ASF1A: variants seen among roughly 807,000 people sequenced by gnomAD.
The protein encoded by ASF1A is histone chaperone ASF1A.
ASF1A carries 5 observed loss-of-function variants against 22.0 expected under a neutral mutation model. The ratio of observed to expected loss-of-function variants is 0.23; its 90% CI spans 0.12 to 0.48. The LOEUF is 0.48. Ranked by LOEUF, ASF1A falls within the 20% of genes least tolerant of loss-of-function variation. ASF1A has a pLI of 0.99. For synonymous variants in ASF1A, 97 were observed against 86.7 expected (o/e 1.12, Z -0.66); for missense variants, 137 against 240.6 (o/e 0.57, Z 2.85).
At chr6:118,895,225 G>A (rs2114486571) in intron 1 of ASF1A, among the ~76,000 whole-genome samples, 1 of 152,034 alleles carries the variant, frequency 6.6e-6, no homozygotes, top group Admixed American at 6.6e-5. Context: ...GGCGCTCCCC[G>A]GGGGCCGTGG....
chr6:118,894,292 G>A lies in ASF1A; in HGVS notation c.-122G>A, dbSNP rs1779186255. On this transcript the variant is annotated 5_prime_UTR_variant, in exon 1 of 4. Coordinates refer to ENST00000229595, the MANE Select transcript of ASF1A (RefSeq NM_014034.3). The stretch of plus-strand genomic sequence containing the variant: ...AAAGAGGAAAAAAGTTTCTCAAGTC[G>A]CCGCTGCACGACGTCTGGCCGGCGC... 3 of 1,477,156 alleles carry A rather than the reference G, an allele frequency of 2.0e-6. No homozygotes were observed. The highest frequency in any genetic ancestry group is 2.7e-5 in the South Asian group (2 of 75,268). 91.5% of individuals were successfully genotyped at this position (1,477,156 alleles called of 1,614,324 possible).
chr6:118,898,402 T>C (rs188982720), intron 1 of ASF1A, among the ~76,000 whole-genome samples: 12 of 152,056 alleles, frequency 7.9e-5, no homozygotes. Context: ...GAAATTAAAA[T>C]TCATGAAAAC....
At chr6:118,907,039 T>TA (rs1227302083) in intron 3 of ASF1A, among the ~76,000 whole-genome samples, 1 of 152,204 alleles carries the variant, frequency 6.6e-6, no homozygotes, top group Non-Finnish European at 1.5e-5. Flanking sequence ...TTTGAAAACA[T>TA]ACCAATCTAA....
Position 118,894,380 on chromosome 6 carries a change from C to T in ASF1A, c.-34C>T. ...CTGGACTTTATTGTGCCGCAACCAGCCCCAGTTCCCATTGTTTGTGTTTTT... is the reference window on the plus strand; with the variant it reads ...CTGGACTTTATTGTGCCGCAACCAGTCCCAGTTCCCATTGTTTGTGTTTTT... On this transcript the variant is annotated 5_prime_UTR_variant, in exon 1 of 4. Coordinates refer to ENST00000229595, the MANE Select transcript of ASF1A (RefSeq NM_014034.3). 2 of 1,536,752 alleles carry T rather than the reference C, an allele frequency of 1.3e-6. No homozygotes were observed. Among genetic ancestry groups the T allele is most frequent in the Middle Eastern group, 1.7e-4 (1 of 5,990 alleles).
rs983289297 is a variant in ASF1A at position 118,900,974 on chromosome 6, G to C, written c.225+93G>C. 106 of 911,422 alleles carry C rather than the reference G, an allele frequency of 1.2e-4. No individual in the cohort carries two copies. The African/African-American group carries it at 1.6e-3, about 14-fold the overall frequency. 56.5% of individuals were successfully genotyped at this position (911,422 alleles called of 1,614,324 possible). A position where few individuals can be genotyped will look rare whatever the true frequency, so the allele number is the denominator to read the frequency against. ...TATAACCCTTATCCCTTTCCTTTTG[G>C]GTTAAAGAACTGCTTCTGCTGCATT... On this transcript the variant is annotated intron_variant, in intron 2 of 3. Coordinates refer to ENST00000229595, the MANE Select transcript of ASF1A (RefSeq NM_014034.3).
rs757952076 is a variant in ASF1A, at chr6:118,907,514, C to T, written c.515C>T (p.Ser172Leu). 6.2e-7 allele frequency: 1 copy of T among 1,613,504 alleles called. No individual in the cohort carries two copies. Among genetic ancestry groups the T allele is most frequent in the Non-Finnish European group, 8.5e-7 (1 of 1,179,568 alleles). The change falls in exon 4 of 4, where the codon TCA becomes TTA. Residue 172 changes from serine to leucine, a missense_variant. Physicochemically the swap from Ser to Leu is moderately radical, Grantham distance 145. Transcript: ENST00000229595. ...DAESSNPNLQ[S>L]LLSTDALPSA... The stretch of plus-strand genomic sequence containing the variant: ...GAGAGCAGTAATCCAAATCTACAGT[C>T]ACTTCTTTCAACAGATGCATTACCT...
Position 118,905,776 on chromosome 6 carries a change from A to G in ASF1A, c.350A>G (p.Tyr117Cys). ...GTTGGCTATTATGTAAATAATGAATATACTGAGACAGAATTAAGGGAAAAT... is the reference window on the plus strand; with the variant it reads ...GTTGGCTATTATGTAAATAATGAATGTACTGAGACAGAATTAAGGGAAAAT... ...IRVGYYVNNE[Y>C]TETELRENPP... is the part of the protein sequence containing the mutation. The change falls in exon 3 of 4, where the codon TAT becomes TGT. Residue 117 changes from tyrosine to cysteine, a missense_variant. Tyr to Cys is a radical substitution (Grantham distance 194). Transcript: ENST00000229595. The G allele has an allele frequency of 6.2e-7, 1 of 1,612,716 alleles. No homozygotes were observed. The highest frequency in any genetic ancestry group is 8.5e-7 in the Non-Finnish European group (1 of 1,179,094).
chr6:118,895,044 C>G (rs902203580), intron 1 of ASF1A, among the ~76,000 whole-genome samples: 1 of 152,192 alleles, frequency 6.6e-6, no homozygotes, highest in African/African-American at 2.4e-5. Context: ...GAAAGGCAGG[C>G]AGGCACTCTC....
intron 2 of ASF1A, chr6:118,901,179 G>T (rs976553772): frequency 2.7e-5 from 6 of 225,952 alleles, no homozygotes; most frequent in Non-Finnish European, 4.3e-5. Flanking sequence ...GGCTCTTCCT[G>T]TGAATAGCAC....
chr6:118,901,410 T>C (rs1318389014), intron 2 of ASF1A, among the ~76,000 whole-genome samples: 3 of 152,216 alleles, frequency 2.0e-5, no homozygotes, highest in South Asian at 2.1e-4. Context: ...TCTTGGGTCA[T>C]TGGAATGACA....
At chr6:118,905,538 A>G (rs961205377) in intron 2 of ASF1A, 114 bp from the exon 3 acceptor site, 4 of 738,472 alleles carry the variant, frequency 5.4e-6, no homozygotes, top group African/African-American at 5.4e-5. Flanking sequence ...ATGATTTCCA[A>G]GTTTTTCTTG....
chr6:118,903,779 G>A (rs969693904), intron 2 of ASF1A, among the ~76,000 whole-genome samples: 1 of 152,186 alleles, frequency 6.6e-6, no homozygotes, highest in Non-Finnish European at 1.5e-5. Flanking sequence ...TAGAGATGGG[G>A]TTTCGCCATG....
At chr6:118,894,656 G>T (rs1779222811) in intron 1 of ASF1A, 134 bp downstream of exon 1, 1 of 757,664 alleles carries the variant, frequency 1.3e-6, no homozygotes, top group Non-Finnish European at 2.1e-6. Context: ...AGGGAAACTT[G>T]AAGTTGATGG....
chr6:118,900,290 A>G (rs1199640096), intron 1 of ASF1A, among the ~76,000 whole-genome samples: 1 of 152,162 alleles, frequency 6.6e-6, no homozygotes, highest in African/African-American at 2.4e-5. Flanking sequence ...CTCTGTGATT[A>G]TTTGGATCTC....
At chr6:118,901,172 T>C (rs1382174491) in intron 2 of ASF1A, 2 of 227,368 alleles carry the variant, frequency 8.8e-6, no homozygotes, top group Non-Finnish European at 1.7e-5. Context: ...AATTTGGGGC[T>C]CTTCCTGTGA....
rs778414808 is a variant in ASF1A, at chr6:118,894,296, C to G, written c.-118C>G. ...AGGAAAAAAGTTTCTCAAGTCGCCG[C>G]TGCACGACGTCTGGCCGGCGCTGGA... On this transcript the variant is annotated 5_prime_UTR_variant, in exon 1 of 4. Transcript: ENST00000229595. 26 of 1,488,178 alleles carry G rather than the reference C, an allele frequency of 1.7e-5. No individual in the cohort carries two copies. Among genetic ancestry groups the G allele is most frequent in the Non-Finnish European group, 2.3e-5 (26 of 1,123,798 alleles). The allele number at this position is 1,488,178 out of a possible 1,614,324, so 92.2% of individuals were successfully genotyped here.
At chr6:118,897,820 C>T (rs768388793) in intron 1 of ASF1A, among the ~76,000 whole-genome samples, 2 of 151,300 alleles carry the variant, frequency 1.3e-5, no homozygotes, top group Non-Finnish European at 2.9e-5. Flanking sequence ...TAAATGAAAG[C>T]TGGGTTAAAA....
chr6:118,894,204 T>G lies in ASF1A; in HGVS notation c.-210T>G. On this transcript the variant is annotated 5_prime_UTR_variant, in exon 1 of 4. The change abolishes an upstream ATG in the 5' untranslated region. Transcript: ENST00000229595. ...AACGCTGCTACTTATCAGAGCAGAA[T>G]GGGCTGTAGTTTAGTGAAATAGGAA... 1 of 1,383,040 alleles carries G rather than the reference T, an allele frequency of 7.2e-7. No homozygotes were observed. Among genetic ancestry groups the G allele is most frequent in the Non-Finnish European group, 9.3e-7 (1 of 1,070,158 alleles). The allele number at this position is 1,383,040 out of a possible 1,614,324, so 85.7% of individuals were successfully genotyped here. A position where few individuals can be genotyped will look rare whatever the true frequency, so the allele number is the denominator to read the frequency against.
chr6:118,901,574 A>C (rs1046072336), intron 2 of ASF1A, among the ~76,000 whole-genome samples: 1 of 152,190 alleles, frequency 6.6e-6, no homozygotes, highest in African/African-American at 2.4e-5. Context: ...ATCTATACCA[A>C]GGCTTCAGAC....
Sources: allele counts gnomAD v4.1 joint callset (sites outside exome capture counted in the v4.1 genomes callset), GRCh38; gene constraint gnomAD v4.1.1; transcripts MANE v1.5; gene names NCBI Gene and HGNC (gene_info 2026-07-23, HGNC 2026-07-21).